Variants in MARCHF1 observed in about 807,000 individuals in gnomAD.
MARCHF1 encodes the protein membrane associated ring-CH-type finger 1.
In MARCHF1, 40 loss-of-function variants were observed where a neutral mutation model predicts 54.2. The ratio of observed to expected loss-of-function variants is 0.74; its 90% confidence interval spans 0.57 to 0.96. The LOEUF (loss-of-function observed/expected upper bound fraction) is 0.96, where lower values mean the gene tolerates loss of function less well. Among genes scored for constraint, MARCHF1 ranks in the 40% least tolerant of loss-of-function variants. MARCHF1 has a pLI of 0.00. For missense variants in MARCHF1, 586 were observed against 656.5 expected (o/e 0.89, Z 1.17); for synonymous variants, 236 against 236.3 (o/e 1.00, Z 0.01).
intron 4 of MARCHF1, among the ~76,000 whole-genome samples, chr4:163,705,338 C>A (rs1004370838): frequency 6.0e-5 from 9 of 151,090 alleles, no homozygotes; most frequent in South Asian, 2.1e-4. Context: ...CCAAAAAAAA[C>A]CAGTAGGAAA....
intron 1 of MARCHF1, among the ~76,000 whole-genome samples, chr4:164,132,480 C>T (rs1756321202): frequency 6.6e-6 from 1 of 152,048 alleles, no homozygotes; most frequent in African/African-American, 2.4e-5. Flanking sequence ...TATTGCATTA[C>T]CTCAAAAAGT....
chr4:164,357,195 A>T (rs1355431667), intron 1 of MARCHF1, among the ~76,000 whole-genome samples: 1 of 152,136 alleles, frequency 6.6e-6, no homozygotes, highest in Admixed American at 6.6e-5. Context: ...GGGGTTCAGA[A>T]GTCCCAAATC....
chr4:163,757,597 C>G (rs1445245600), intron 4 of MARCHF1, among the ~76,000 whole-genome samples: 3 of 151,770 alleles, frequency 2.0e-5, no homozygotes, highest in Non-Finnish European at 4.4e-5. Context: ...AGCTCAGGAA[C>G]AGCAAACATG....
chr4:164,169,953 A>G (rs577760957), intron 1 of MARCHF1, among the ~76,000 whole-genome samples: 16 of 152,202 alleles, frequency 1.1e-4, no homozygotes, highest in African/African-American at 3.9e-4. Context: ...TTCATTTAAC[A>G]ACAGTAACTC....
chr4:164,098,653 A>G (rs1467807381), intron 2 of MARCHF1, among the ~76,000 whole-genome samples: 1 of 152,240 alleles, frequency 6.6e-6, no homozygotes, highest in Admixed American at 6.5e-5. Flanking sequence ...ATTCCCAACT[A>G]TTTTAAGAAA....
chr4:164,252,162 T>C (rs2111246826), intron 1 of MARCHF1, among the ~76,000 whole-genome samples: 1 of 152,290 alleles, frequency 6.6e-6, no homozygotes, highest in African/African-American at 2.4e-5. Flanking sequence ...GTTTAGTATA[T>C]CACCAAGTAT....
intron 4 of MARCHF1, among the ~76,000 whole-genome samples, chr4:163,706,664 C>T (rs145813964): frequency 3.3e-4 from 50 of 152,002 alleles, no homozygotes; most frequent in African/African-American, 1.1e-3. Context: ...AAACCCTCTA[C>T]AAATTGACAT....
intron 1 of MARCHF1, among the ~76,000 whole-genome samples, chr4:164,331,961 T>C (rs1364737512): frequency 6.6e-6 from 1 of 152,196 alleles, no homozygotes; most frequent in African/African-American, 2.4e-5. Context: ...TAGAAATATG[T>C]CAGGATCCCA....
At chr4:163,695,279 G>A (rs1179647288) in intron 5 of MARCHF1, among the ~76,000 whole-genome samples, 1 of 152,112 alleles carries the variant, frequency 6.6e-6, no homozygotes, top group Non-Finnish European at 1.5e-5. Flanking sequence ...GAGAGATGAA[G>A]ATTTACAGAA....
chr4:164,213,201 CTTT>C (rs1332383054), intron 1 of MARCHF1, among the ~76,000 whole-genome samples: 1 of 128,330 alleles, frequency 7.8e-6, no homozygotes, highest in Non-Finnish European at 1.6e-5. Flanking sequence ...TGGGCTTTTA[CTTT>C]TATTATTATT....
chr4:164,373,112 C>T (rs559621195), intron 1 of MARCHF1, among the ~76,000 whole-genome samples: 1 of 152,030 alleles, frequency 6.6e-6, no homozygotes, highest in Non-Finnish European at 1.5e-5. Flanking sequence ...TTCTTACTAC[C>T]TTTAATCCTC....
intron 2 of MARCHF1, among the ~76,000 whole-genome samples, chr4:164,026,693 G>T (rs1168812612): frequency 6.6e-6 from 1 of 152,002 alleles, no homozygotes; most frequent in East Asian, 1.9e-4. Flanking sequence ...AGGATGCCCA[G>T]TCTCACAACT....
intron 1 of MARCHF1, among the ~76,000 whole-genome samples, chr4:164,196,002 G>A (rs1163159644): frequency 5.3e-5 from 8 of 152,058 alleles, no homozygotes; most frequent in Non-Finnish European, 4.4e-5. Context: ...TTGAAATGCT[G>A]CAATTTTCCA....
intron 1 of MARCHF1, among the ~76,000 whole-genome samples, chr4:164,329,077 T>G (rs546052238): frequency 1.9e-4 from 29 of 152,324 alleles, no homozygotes; most frequent in African/African-American, 7.0e-4. Context: ...ATCTCGTTAC[T>G]GGAGAAGGAA....
intron 1 of MARCHF1, among the ~76,000 whole-genome samples, chr4:164,210,644 G>A (rs1731737877): frequency 6.6e-6 from 1 of 152,096 alleles, no homozygotes; most frequent in South Asian, 2.1e-4. Context: ...TAAGAAATGA[G>A]TGGATAAGTT....
chr4:163,656,809 T>C (rs1489373105), intron 5 of MARCHF1, among the ~76,000 whole-genome samples: 2 of 151,934 alleles, frequency 1.3e-5, no homozygotes, highest in African/African-American at 4.8e-5. Context: ...AAAAAATACA[T>C]GATTATCTTA....
chr4:164,239,785 A>G (rs111519234), intron 1 of MARCHF1, among the ~76,000 whole-genome samples: 80 of 152,188 alleles, frequency 5.3e-4, no homozygotes, highest in African/African-American at 1.9e-3. Context: ...GAGTGTATGT[A>G]TATGTCATAT....
At chr4:163,554,755 T>C (rs1007025677) in intron 8 of MARCHF1, among the ~76,000 whole-genome samples, 2 of 152,190 alleles carry the variant, frequency 1.3e-5, no homozygotes, top group Non-Finnish European at 2.9e-5. Context: ...CTAAAAATAG[T>C]GTGACCAGTA....
intron 1 of MARCHF1, among the ~76,000 whole-genome samples, chr4:164,184,961 A>G (rs1730929025): frequency 6.6e-6 from 1 of 152,242 alleles, no homozygotes; most frequent in African/African-American, 2.4e-5. Context: ...TGAACTATAA[A>G]ATTAAAAATG....
Sources: allele counts gnomAD v4.1 joint callset (sites outside exome capture counted in the v4.1 genomes callset), GRCh38; gene constraint gnomAD v4.1.1; transcripts MANE v1.5; gene names NCBI Gene and HGNC (gene_info 2026-07-23, HGNC 2026-07-21).